Variants in RAB3B observed in about 807,000 individuals in gnomAD.
RAB3B encodes RAB3B, member RAS oncogene family.
In RAB3B, 11 loss-of-function variants were observed where a neutral mutation model predicts 20.5. The ratio of observed to expected loss-of-function variants is 0.54; its 90% CI spans 0.34 to 0.89. The LOEUF is 0.89. Ranked by LOEUF, RAB3B falls within the 40% of genes least tolerant of loss-of-function variation. The pLI, the probability that RAB3B is intolerant of heterozygous loss-of-function variation, is 0.02. For synonymous variants in RAB3B, 99 were observed against 106.3 expected (o/e 0.93, Z 0.42); for missense variants, 225 against 280.9 (o/e 0.80, Z 1.42).
chr1:51,942,125 C>T (rs1193306258), intron 2 of RAB3B, among the ~76,000 whole-genome samples: 8 of 152,206 alleles, frequency 5.3e-5, no homozygotes, highest in African/African-American at 1.9e-4. Context: ...GTCCCTAAAT[C>T]CTGTCCTGCA....
At chr1:51,981,217 G>T (rs573350735) in intron 1 of RAB3B, among the ~76,000 whole-genome samples, 20 of 152,230 alleles carry the variant, frequency 1.3e-4, no homozygotes, top group Middle Eastern at 6.8e-3. Flanking sequence ...TTTTTGTAGA[G>T]ATGGGGTTTC....
intron 2 of RAB3B, among the ~76,000 whole-genome samples, chr1:51,946,258 T>C (rs1332540495): frequency 1.3e-5 from 2 of 152,222 alleles, no homozygotes; most frequent in African/African-American, 2.4e-5. Flanking sequence ...TTATTTCACT[T>C]AAAGAAAAGC....
intron 3 of RAB3B, among the ~76,000 whole-genome samples, chr1:51,937,053 A>G (rs917584991): frequency 6.6e-6 from 1 of 152,070 alleles, no homozygotes; most frequent in African/African-American, 2.4e-5. Context: ...ACCTCGGGTG[A>G]TCTGGCTGCC....
At chr1:51,955,312 C>T (rs998490964) in intron 2 of RAB3B, among the ~76,000 whole-genome samples, 2 of 152,148 alleles carry the variant, frequency 1.3e-5, no homozygotes, top group Non-Finnish European at 2.9e-5. Flanking sequence ...TGCCCACAGC[C>T]CTGGGTTCTA....
At chr1:51,978,098 T>C (rs1346457920) in intron 1 of RAB3B, among the ~76,000 whole-genome samples, 1 of 152,238 alleles carries the variant, frequency 6.6e-6, no homozygotes, top group Non-Finnish European at 1.5e-5. Flanking sequence ...CCAGATCAAG[T>C]GCCAGCTTCC....
intron 1 of RAB3B, chr1:51,980,959 ATAATTCAAGCATATCC>A (rs1201641830): frequency 3.1e-6 from 1 of 318,428 alleles, no homozygotes; most frequent in African/African-American, 2.2e-5. Flanking sequence ...CTTACGGAAA[ATAATTCAAGCATATCC>A]TATTTGCAAG....
At chr1:51,930,421 A>G (rs190172064) in intron 4 of RAB3B, among the ~76,000 whole-genome samples, 1 of 152,352 alleles carries the variant, frequency 6.6e-6, no homozygotes. Context: ...TTTGCTGTGT[A>G]GTAAAGTTAA....
chr1:51,973,635 T>C (rs993216594), intron 2 of RAB3B: 1 of 152,240 alleles, frequency 6.6e-6, no homozygotes, highest in Non-Finnish European at 1.5e-5. Flanking sequence ...TATAATCTTC[T>C]AGCATAGTCT....
At chr1:51,975,335 A>C (rs1489545259) in intron 2 of RAB3B, among the ~76,000 whole-genome samples, 1 of 152,236 alleles carries the variant, frequency 6.6e-6, no homozygotes, top group Non-Finnish European at 1.5e-5. Context: ...ATGTTGCTAT[A>C]TCATCTAAAA....
rs184919072 is a variant in RAB3B, at chr1:51,937,561, G to A, written c.229-149C>T. The A allele has an allele frequency of 1.5e-3, 726 of 475,392 alleles. 2 individuals are homozygous for A. Among genetic ancestry groups the A allele is most frequent in the Middle Eastern group, 3.9e-3 (7 of 1,784 alleles). The allele number at this position is 475,392 out of a possible 1,614,324, so 29.4% of individuals were successfully genotyped here. A position where few individuals can be genotyped will look rare whatever the true frequency, so the allele number is the denominator to read the frequency against. ...TGCCCAGGCTGGAGTGCCATGGCGC[G>A]ATCTCAGCTCACTGCAACCTCTGCC... On this transcript the variant is annotated intron_variant, in intron 2 of 4. Coordinates refer to ENST00000371655, the MANE Select transcript of RAB3B (RefSeq NM_002867.4).
intron 2 of RAB3B, among the ~76,000 whole-genome samples, chr1:51,953,594 A>C (rs901894770): frequency 1.3e-5 from 2 of 152,232 alleles, no homozygotes; most frequent in Non-Finnish European, 1.5e-5. Context: ...ATCTGAGTTC[A>C]GGAGTTCGAG....
chr1:51,910,481 T>C lies in RAB3B; in HGVS notation c.*9446A>G, dbSNP rs532872538. On this transcript the variant is annotated 3_prime_UTR_variant, in exon 5 of 5. Coordinates refer to ENST00000371655, the MANE Select transcript of RAB3B (RefSeq NM_002867.4). ...CTCTTTAGGAACCTCCAGCCTAGAATAGTCAGGCATGGACCATCCAAACAC... is the reference window on the plus strand; with the variant it reads ...CTCTTTAGGAACCTCCAGCCTAGAACAGTCAGGCATGGACCATCCAAACAC... The C allele has an allele frequency of 6.6e-6, 1 of 152,264 alleles. No individual in the cohort carries two copies. Among genetic ancestry groups the C allele is most frequent in the East Asian group, 1.9e-4 (1 of 5,186 alleles). The allele number at this position is 152,264 out of a possible 1,614,324, so 9.4% of individuals were successfully genotyped here.
intron 1 of RAB3B, among the ~76,000 whole-genome samples, chr1:51,986,914 T>G (rs1483844928): frequency 6.6e-6 from 1 of 152,246 alleles, no homozygotes; most frequent in African/African-American, 2.4e-5. Context: ...AGACAGGTCA[T>G]GCACAGTGGT....
chr1:51,941,871 A>G (rs1684499821), intron 2 of RAB3B, among the ~76,000 whole-genome samples: 1 of 152,226 alleles, frequency 6.6e-6, no homozygotes, highest in Admixed American at 6.5e-5. Context: ...AGTGAGTGGG[A>G]GGATAAATGA....
At position 51,990,568 on chromosome 1, in the gene RAB3B, G is replaced by A. The variant is rs571971854; in HGVS notation, c.-17C>T. 3.4e-4 allele frequency: 51 copies of A among 152,066 alleles called. No individual in the cohort carries two copies. The highest frequency in any genetic ancestry group is 1.2e-3 in the African/African-American group (51 of 41,526). The allele number at this position is 152,066 out of a possible 1,614,324, so 9.4% of individuals were successfully genotyped here. ...GCCCCTTACCGCGGACTCCGAGTGCGGGACGACGGGTTCGCTCCCGGACGG... is the reference window on the plus strand; with the variant it reads ...GCCCCTTACCGCGGACTCCGAGTGCAGGACGACGGGTTCGCTCCCGGACGG... On this transcript the variant is annotated 5_prime_UTR_variant, in exon 1 of 5. Transcript: ENST00000371655.
chr1:51,962,617 A>G (rs1385546659), intron 2 of RAB3B, among the ~76,000 whole-genome samples: 3 of 152,154 alleles, frequency 2.0e-5, no homozygotes, highest in Admixed American at 6.5e-5. Flanking sequence ...CTGGACTCCA[A>G]TTGCCATATA....
Position 51,919,977 on chromosome 1 carries a change from T to G in RAB3B, c.610A>C (p.Thr204Pro), listed in dbSNP as rs1451132427. The G allele has an allele frequency of 1.2e-6, 2 of 1,614,008 alleles. No homozygotes were observed. Among genetic ancestry groups the G allele is most frequent in the Non-Finnish European group, 1.7e-6 (2 of 1,179,952 alleles). Reference protein sequence around the residue: ...DPSMLGSSKNTRLSDTPPLLQ... With the variant: ...DPSMLGSSKNPRLSDTPPLLQ... The stretch of plus-strand genomic sequence containing the variant: ...AGCGGTGGGGTGTCCGAGAGACGCG[T>G]GTTCTTGGAGGAGCCCAGCATCGAC... Residue 204 changes from threonine to proline, a missense_variant, in exon 5 of 5, where the codon ACG becomes CCG. Transcript: ENST00000371655.
chr1:51,967,521 CTTT>C (rs71041868), intron 2 of RAB3B, among the ~76,000 whole-genome samples: 10 of 36,512 alleles, frequency 2.7e-4, no homozygotes, highest in South Asian at 2.6e-3. Flanking sequence ...TTTTCTTTTT[CTTT>C]TTTTTTTTTT....
intron 2 of RAB3B, among the ~76,000 whole-genome samples, chr1:51,962,991 T>A (rs573031082): frequency 6.6e-6 from 1 of 152,108 alleles, no homozygotes; most frequent in African/African-American, 2.4e-5. Flanking sequence ...CACCCACTTA[T>A]CCCTCTACTG....
Sources: allele counts gnomAD v4.1 joint callset (sites outside exome capture counted in the v4.1 genomes callset), GRCh38; gene constraint gnomAD v4.1.1; transcripts MANE v1.5; gene names NCBI Gene and HGNC (gene_info 2026-07-23, HGNC 2026-07-21).